The following MINK1 variants were observed in gnomAD, a reference collection of about 807,000 sequenced individuals.
MINK1 encodes the protein misshapen-like kinase 1.
Under a neutral mutation model 178.4 loss-of-function variants are expected in MINK1, and 46 were observed. The observed-to-expected ratio is 0.26, with a 90% CI of 0.20 to 0.33. MINK1 has a LOEUF of 0.33. MINK1 is among the 10% of genes least tolerant of loss of function. MINK1 has a pLI of 1.00. For missense variants in MINK1, 1,366 were observed against 1,814.9 expected (o/e 0.75, Z 4.49); for synonymous variants, 797 against 709.7 (o/e 1.12, Z -1.96).
At position 4,895,094 on chromosome 17, in the gene MINK1, C is replaced by T; in HGVS notation, c.2937C>T (p.Gly979=). ...TGGCAGCCCTAGTGGGTGGAGAGGG[C>T]ACTCGGCTCGACCAGCTGCAGTACG... The part of the protein sequence containing the change: ...IPITALVGGE[G]TRLDQLQYDV... Residue 979 remains glycine (G), a synonymous_variant, in exon 25 of 32, where the codon GGC becomes GGT. Transcript: ENST00000355280. This position sits in a 1 kb window ranked among gnomAD's most constrained non-coding sequence, Gnocchi z 4.3. The T allele has an allele frequency of 1.2e-6, 2 of 1,613,584 alleles. No individual in the cohort carries two copies. The highest frequency in any genetic ancestry group is 8.5e-7 in the Non-Finnish European group (1 of 1,179,990).
At chr17:4,843,671 G>A (rs1910587983) in intron 1 of MINK1, among the ~76,000 whole-genome samples, 1 of 152,130 alleles carries the variant, frequency 6.6e-6, no homozygotes, top group Non-Finnish European at 1.5e-5. Flanking sequence ...TGTGCAGTAG[G>A]TTCTTTCCTT....
At chr17:4,867,152 T>G (rs1416329969) in intron 1 of MINK1, among the ~76,000 whole-genome samples, 99 of 139,638 alleles carry the variant, frequency 7.1e-4, no homozygotes, top group African/African-American at 2.0e-3. Context: ...TTTTTTTTTT[T>G]TTTTTTTTTT....
At position 4,896,418 on chromosome 17, in the gene MINK1, C is replaced by T. The variant is rs748919687; in HGVS notation, c.3616-11C>T. The T allele has an allele frequency of 2.9e-5, 47 of 1,613,276 alleles. No homozygotes were observed. Among genetic ancestry groups the T allele is most frequent in the Non-Finnish European group, 3.8e-5 (45 of 1,179,484 alleles). ...AGACACGGAGACTCTAGTCCCCCTC[C>T]TTCTCCCCAGATCCAGAGCCAGATC... On this transcript the variant is annotated splice_polypyrimidine_tract_variant and intron_variant, in intron 29 of 31. Transcript: ENST00000355280. This position sits in a 1 kb window ranked among gnomAD's most constrained non-coding sequence, Gnocchi z 4.6.
rs1968553383 is a variant in MINK1, at chr17:4,889,515, G to GA, written c.1231-129dup. 3.7e-6 allele frequency: 3 copies of GA among 804,476 alleles called. No individual in the cohort carries two copies. In the South Asian group the frequency reaches 4.5e-5, roughly 12 times the overall value. The allele number at this position is 804,476 out of a possible 1,614,324, so 49.8% of individuals were successfully genotyped here. A position where few individuals can be genotyped will look rare whatever the true frequency, so the allele number is the denominator to read the frequency against. On this transcript the variant is annotated intron_variant, in intron 12 of 31. Transcript: ENST00000355280. ...TTGGGTGGGGATGGGTATAGTTGCA[G>GA]AAACAAGCGGAAGCCGGTCTCTCTT...
chr17:4,897,160 C>T, intron 31 of MINK1, 44 bp from the exon 32 acceptor site: 1 of 1,553,354 alleles, frequency 6.4e-7, no homozygotes. Context: ...TGAGACACCC[C>T]CCCAACCTCA....
intron 1 of MINK1, among the ~76,000 whole-genome samples, chr17:4,837,821 A>G (rs1909541103): frequency 6.6e-6 from 1 of 152,122 alleles, no homozygotes. Flanking sequence ...AAATCATAGC[A>G]TGGAGCACAT....
Position 4,895,302 on chromosome 17 carries a change from G to C in MINK1, c.3086-48G>C. The C allele has an allele frequency of 6.2e-7, 1 of 1,607,930 alleles. No individual in the cohort carries two copies. Among genetic ancestry groups the C allele is most frequent in the Non-Finnish European group, 8.5e-7 (1 of 1,175,810 alleles). The stretch of plus-strand genomic sequence containing the variant: ...GCGTGGCTCTTGTGCTCCTGGTTAG[G>C]TGAGGGCCTGGCTGAGCCTCTGACC... On this transcript the variant is annotated intron_variant, in intron 25 of 31. Transcript: ENST00000355280. This position sits in a 1 kb window ranked among gnomAD's most constrained non-coding sequence, Gnocchi z 4.3.
At chr17:4,849,001 G>A (rs1046992531) in intron 1 of MINK1, among the ~76,000 whole-genome samples, 1 of 150,982 alleles carries the variant, frequency 6.6e-6, no homozygotes, top group Non-Finnish European at 1.5e-5. Context: ...CTCTCCCCCT[G>A]ACTTAGTATT....
chr17:4,875,952 C>T (rs1407666440), intron 1 of MINK1, among the ~76,000 whole-genome samples: 1 of 151,458 alleles, frequency 6.6e-6, no homozygotes, highest in Non-Finnish European at 1.5e-5. Context: ...CCCGCCACCA[C>T]GCCCAGCTAA....
Position 4,886,391 on chromosome 17 carries a change from T to A in MINK1, c.774-60T>A. On this transcript the variant is annotated intron_variant, in intron 9 of 31. Transcript: ENST00000355280. This position sits in a 1 kb window ranked among gnomAD's most constrained non-coding sequence, Gnocchi z 6.1. ...CTTGTGGATGAATGATCCACCCTCTTCCTCCTGCACCCATCCCTTCTGAGG... is the reference window on the plus strand; with the variant it reads ...CTTGTGGATGAATGATCCACCCTCTACCTCCTGCACCCATCCCTTCTGAGG... The A allele has an allele frequency of 6.4e-7, 1 of 1,558,028 alleles. No individual in the cohort carries two copies. The highest frequency in any genetic ancestry group is 8.7e-7 in the Non-Finnish European group (1 of 1,144,624).
intron 1 of MINK1, among the ~76,000 whole-genome samples, chr17:4,867,032 C>A (rs1460993196): frequency 7.0e-6 from 1 of 142,568 alleles, no homozygotes; most frequent in Non-Finnish European, 1.5e-5. Flanking sequence ...GGGACCGTGC[C>A]GCTTGCACTC....
intron 1 of MINK1, among the ~76,000 whole-genome samples, chr17:4,841,992 C>T (rs1054939257): frequency 2.0e-5 from 3 of 151,968 alleles, no homozygotes; most frequent in African/African-American, 2.4e-5. Flanking sequence ...GAGGCCGAGG[C>T]GGGCGGATCA....
rs1051163215 is a variant in MINK1, at chr17:4,878,524, G to A, written c.123+142G>A. 4 of 739,300 alleles carry A rather than the reference G, an allele frequency of 5.4e-6. No individual in the cohort carries two copies. The African/African-American group carries it at 7.1e-5, about 13-fold the overall frequency. The allele number at this position is 739,300 out of a possible 1,614,324, so 45.8% of individuals were successfully genotyped here. A position where few individuals can be genotyped will look rare whatever the true frequency, so the allele number is the denominator to read the frequency against. Reference sequence around the variant, plus strand: ...TCTAGGGCCCTGGAAAGGTAGAGTGGGGGAGAGGAAAGAGCACCCAGAAGG... The same window carrying A: ...TCTAGGGCCCTGGAAAGGTAGAGTGAGGGAGAGGAAAGAGCACCCAGAAGG... On this transcript the variant is annotated intron_variant, in intron 2 of 31. Coordinates refer to ENST00000355280, the MANE Select transcript of MINK1 (RefSeq NM_153827.5).
chr17:4,856,586 T>C (rs1913192354), intron 1 of MINK1, among the ~76,000 whole-genome samples: 1 of 152,072 alleles, frequency 6.6e-6, no homozygotes, highest in Non-Finnish European at 1.5e-5. Flanking sequence ...AGGTGGGAGA[T>C]GAGGGCTGCT....
chr17:4,858,435 A>G (rs1452256941), intron 1 of MINK1, among the ~76,000 whole-genome samples: 1 of 151,300 alleles, frequency 6.6e-6, no homozygotes, highest in African/African-American at 2.4e-5. Context: ...CTGTTCTGCC[A>G]GCTCTTGTTG....
chr17:4,894,030 C>A lies in MINK1; in HGVS notation c.2607C>A (p.His869Gln). 1.9e-6 allele frequency: 3 copies of A among 1,589,624 alleles called. No homozygotes were observed. Among genetic ancestry groups the A allele is most frequent in the Non-Finnish European group, 2.6e-6 (3 of 1,167,434 alleles). Reference sequence around the variant, plus strand: ...ACAGCGTCAGCACCATGGTGGTCCACGACGTCGAGGAGATCACCGGGACCC... The same window carrying A: ...ACAGCGTCAGCACCATGGTGGTCCAAGACGTCGAGGAGATCACCGGGACCC... ...DTDSVSTMVV[H>Q]DVEEITGTQP... is the part of the protein sequence containing the mutation. Residue 869 changes from histidine to glutamine, a missense_variant, in exon 22 of 32, where the codon CAC becomes CAA. Transcript: ENST00000355280. This position sits in a 1 kb window ranked among gnomAD's most constrained non-coding sequence, Gnocchi z 4.1.
chr17:4,893,638 G>A (rs780163052), intron 21 of MINK1, 41 bp downstream of exon 21: 2 of 1,502,318 alleles, frequency 1.3e-6, no homozygotes, highest in African/African-American at 1.4e-5. Flanking sequence ...CCAAGGCACA[G>A]GGAGGGAGGG....
At chr17:4,857,458 GTTTTTTTTTT>G (rs147266965) in intron 1 of MINK1, 3 of 75,766 alleles carry the variant, frequency 4.0e-5, no homozygotes, top group Non-Finnish European at 7.7e-5. Flanking sequence ...AAAGATGCTG[GTTTTTTTTTT>G]TTTTTTTTTT....
chr17:4,839,093 G>A (rs547889611), intron 1 of MINK1, among the ~76,000 whole-genome samples: 169 of 152,178 alleles, frequency 1.1e-3, no homozygotes, highest in Admixed American at 2.7e-3. Context: ...ATAGGCGCCC[G>A]CCACAATGCC....
Sources: gnomAD v4.1 joint callset for allele counts (sites outside exome capture counted in the v4.1 genomes callset) on GRCh38, gnomAD v4.1.1 for gene constraint, Gnocchi (gnomAD v3.1) non-coding constraint, MANE v1.5 for transcripts, NCBI Gene and HGNC (gene_info 2026-07-23, HGNC 2026-07-21) for gene names.